Variants in GRIK4 observed in about 807,000 individuals in gnomAD.
GRIK4 encodes the protein glutamate ionotropic receptor kainate type subunit 4.
A neutral mutation model predicts 104.9 loss-of-function variants in GRIK4; 40 were observed. The ratio of observed to expected loss-of-function variants is 0.38; its 90% CI spans 0.30 to 0.50. The LOEUF (loss-of-function observed/expected upper bound fraction) is 0.50. Ranked by LOEUF, GRIK4 falls within the 20% of genes least tolerant of loss-of-function variation. GRIK4 has a pLI of 0.93. For missense variants in GRIK4, 1,047 were observed against 1,308.1 expected (o/e 0.80, Z 3.08); for synonymous variants, 485 against 524.9 (o/e 0.92, Z 1.04).
chr11:120,773,478 G>A (rs986544949), intron 3 of GRIK4, among the ~76,000 whole-genome samples: 6 of 152,220 alleles, frequency 3.9e-5, no homozygotes, highest in Admixed American at 6.5e-5. Flanking sequence ...GACCAAACAC[G>A]GAGAGAAAGC....
chr11:120,951,399 A>G (rs1255340901), intron 14 of GRIK4, among the ~76,000 whole-genome samples: 1 of 152,192 alleles, frequency 6.6e-6, no homozygotes, highest in Non-Finnish European at 1.5e-5. Flanking sequence ...GAAAGCTCAG[A>G]AGGCTGGTTG....
chr11:120,808,912 C>T (rs948994510), intron 4 of GRIK4, among the ~76,000 whole-genome samples: 11 of 152,130 alleles, frequency 7.2e-5, no homozygotes, highest in Non-Finnish European at 1.3e-4. Context: ...CCCGTGGGGC[C>T]AGGGTTGTTT....
intron 3 of GRIK4, among the ~76,000 whole-genome samples, chr11:120,751,100 TAG>T (rs1951541792): frequency 6.6e-6 from 1 of 151,886 alleles, no homozygotes; most frequent in South Asian, 2.1e-4. Flanking sequence ...AGAAGCGCAG[TAG>T]AGAGGGAGCG....
intron 3 of GRIK4, among the ~76,000 whole-genome samples, chr11:120,743,826 T>C (rs766903744): frequency 6.6e-6 from 1 of 152,256 alleles, no homozygotes; most frequent in Non-Finnish European, 1.5e-5. Flanking sequence ...TCAATTGTCT[T>C]ATTTATAAAA....
At chr11:120,759,809 T>C (rs1433355635) in intron 3 of GRIK4, among the ~76,000 whole-genome samples, 1 of 152,176 alleles carries the variant, frequency 6.6e-6, no homozygotes, top group Non-Finnish European at 1.5e-5. Flanking sequence ...GTCTCTGTTA[T>C]GACTTCTTTT....
intron 2 of GRIK4, among the ~76,000 whole-genome samples, chr11:120,654,775 A>C (rs1176834190): frequency 6.6e-6 from 1 of 152,156 alleles, no homozygotes; most frequent in African/African-American, 2.4e-5. Context: ...CGAATGAAGA[A>C]GTCAAGGTTT....
intron 8 of GRIK4, among the ~76,000 whole-genome samples, chr11:120,837,852 C>T (rs927302244): frequency 2.2e-4 from 33 of 151,984 alleles, no homozygotes; most frequent in South Asian, 8.3e-4. Context: ...GATTAAAGTA[C>T]AGTTGTGTTC....
chr11:120,691,739 A>G (rs1950367359), intron 3 of GRIK4, among the ~76,000 whole-genome samples: 1 of 152,090 alleles, frequency 6.6e-6, no homozygotes, highest in South Asian at 2.1e-4. Context: ...AACTCACTTG[A>G]TTTGTTCCAA....
At chr11:120,686,271 T>C (rs1950275784) in intron 3 of GRIK4, among the ~76,000 whole-genome samples, 1 of 152,196 alleles carries the variant, frequency 6.6e-6, no homozygotes, top group South Asian at 2.1e-4. Context: ...AGAATATCCA[T>C]TTTTCTGTCT....
intron 3 of GRIK4, among the ~76,000 whole-genome samples, chr11:120,714,112 CTGT>C (rs1190537284): frequency 8.5e-5 from 13 of 152,310 alleles, no homozygotes; most frequent in African/African-American, 2.9e-4. Flanking sequence ...TCCATAGTTG[CTGT>C]TGTTATGACT....
At position 120,964,881 on chromosome 11, in the gene GRIK4, C is replaced by T. The variant is rs542531904; in HGVS notation, c.2266+2200C>T. Among the ~76,000 whole-genome samples, 16 of 152,230 alleles carry T rather than the reference C, an allele frequency of 1.1e-4. 1 individual carries two copies. In the South Asian group the frequency reaches 3.3e-3, roughly 32 times the overall value. ...AATAGGTAGAGAAGCTGGGTGTGAGCCTAGGATGCTTGTCTCCAGTCCAGT... is the reference window on the plus strand; with the variant it reads ...AATAGGTAGAGAAGCTGGGTGTGAGTCTAGGATGCTTGTCTCCAGTCCAGT... On this transcript the variant is annotated intron_variant, in intron 18 of 20. Transcript: ENST00000527524.
At chr11:120,676,758 T>C (rs557713433) in intron 3 of GRIK4, among the ~76,000 whole-genome samples, 2 of 152,314 alleles carry the variant, frequency 1.3e-5, no homozygotes, top group East Asian at 3.9e-4. Flanking sequence ...AGGGATAAAA[T>C]TTCAACATGA....
intron 1 of GRIK4, among the ~76,000 whole-genome samples, chr11:120,561,555 C>T (rs1948239348): frequency 6.6e-6 from 1 of 152,228 alleles, no homozygotes; most frequent in Non-Finnish European, 1.5e-5. Context: ...AGGCATACCC[C>T]CGCTCCAGCA....
intron 3 of GRIK4, among the ~76,000 whole-genome samples, chr11:120,741,757 C>T (rs1018062415): frequency 2.6e-5 from 4 of 152,172 alleles, no homozygotes; most frequent in African/African-American, 7.2e-5. Context: ...TATACATGCA[C>T]GCATACATGC....
intron 13 of GRIK4, among the ~76,000 whole-genome samples, chr11:120,920,910 A>T (rs1208397163): frequency 6.6e-6 from 1 of 152,066 alleles, no homozygotes; most frequent in African/African-American, 2.4e-5. Flanking sequence ...ACATCTCTGC[A>T]TCTCCCCTCA....
intron 11 of GRIK4, among the ~76,000 whole-genome samples, chr11:120,887,773 A>G (rs1189316163): frequency 6.6e-6 from 1 of 152,200 alleles, no homozygotes; most frequent in Non-Finnish European, 1.5e-5. Context: ...TTACCTAAAT[A>G]ACTATATGAT....
At chr11:120,809,823 C>T (rs942767233) in intron 4 of GRIK4, among the ~76,000 whole-genome samples, 8 of 152,110 alleles carry the variant, frequency 5.3e-5, no homozygotes, top group Non-Finnish European at 8.8e-5. Context: ...CCCATCACTT[C>T]GGGAGGCTGA....
intron 8 of GRIK4, among the ~76,000 whole-genome samples, chr11:120,846,204 T>C (rs909173802): frequency 3.3e-5 from 5 of 152,252 alleles, no homozygotes; most frequent in African/African-American, 4.8e-5. Context: ...TTGAAGTTCC[T>C]TGGCCCAAGT....
chr11:120,633,525 T>C (rs1172279075), intron 1 of GRIK4, among the ~76,000 whole-genome samples: 2 of 152,264 alleles, frequency 1.3e-5, no homozygotes, highest in African/African-American at 4.8e-5. Context: ...GAAGCTAGGC[T>C]GCCATATCTG....
Sources: gnomAD v4.1 joint callset for allele counts (sites outside exome capture counted in the v4.1 genomes callset) on GRCh38, gnomAD v4.1.1 for gene constraint, MANE v1.5 for transcripts, NCBI Gene and HGNC (gene_info 2026-07-23, HGNC 2026-07-21) for gene names.